NCKAP5: variants seen among roughly 807,000 people sequenced by gnomAD.
NCKAP5 encodes NCK associated protein 5, also known as nck-associated protein 5.
NCKAP5 carries 92 observed loss-of-function variants against 167.0 expected under a neutral mutation model. The observed-to-expected ratio is 0.55, with a 90% CI of 0.47 to 0.66. The LOEUF (loss-of-function observed/expected upper bound fraction) is 0.66. Among genes scored for constraint, NCKAP5 ranks in the 30% least tolerant of loss-of-function variants. NCKAP5 has a pLI of 0.00. For missense variants in NCKAP5, 2,378 were observed against 2,315.0 expected, an observed-to-expected ratio of 1.03 and a Z score of -0.56; for synonymous variants, 891 against 877.4, an observed-to-expected ratio of 1.02 and a Z score of -0.27.
chr2:132,785,192 C>A lies in NCKAP5; in HGVS notation c.1619G>T (p.Cys540Phe). 6.3e-7 allele frequency: 1 copy of A among 1,579,950 alleles called. No homozygotes were observed. Among genetic ancestry groups the A allele is most frequent in the Non-Finnish European group, 8.6e-7 (1 of 1,165,150 alleles). The change falls in exon 14 of 20, where the codon TGC (cysteine) becomes TTC (phenylalanine). Residue 540 changes from cysteine to phenylalanine, a missense_variant. By Grantham distance (205) the Cys-to-Phe change is radical (BLOSUM62 -2). Coordinates refer to ENST00000409261, the MANE Select transcript of NCKAP5 (RefSeq NM_207363.3). ...CATCTCTAAGGGACAGCTGCTGGCG[C>A]AACTTGTCAGCTTTTCAGGCCTTTC... is the stretch of plus-strand genomic sequence containing the variant. ...PKERPEKLTSCASSCPLEMKL... is the reference protein window; with the variant it reads ...PKERPEKLTSFASSCPLEMKL...
intron 3 of NCKAP5, among the ~76,000 whole-genome samples, chr2:133,398,438 T>C (rs1180501370): frequency 1.3e-5 from 2 of 152,130 alleles, no homozygotes; most frequent in African/African-American, 2.4e-5. Context: ...AACATAAAAA[T>C]AAACCTTAGA....
chr2:132,912,181 AC>A (rs1403285565), intron 8 of NCKAP5, among the ~76,000 whole-genome samples: 1 of 152,126 alleles, frequency 6.6e-6, no homozygotes, highest in Non-Finnish European at 1.5e-5. Context: ...CTCCAACAGG[AC>A]CATACAGGGA....
chr2:133,623,988 C>A, the NCKAP5 span, among the ~76,000 whole-genome samples: 1 of 152,220 alleles, frequency 6.6e-6, no homozygotes, highest in Admixed American at 6.5e-5. Flanking sequence ...ATGGCATTCA[C>A]AGCAACCTGC....
intron 3 of NCKAP5, among the ~76,000 whole-genome samples, chr2:133,466,935 T>C (rs538283748): frequency 1.3e-4 from 20 of 152,330 alleles, no homozygotes; most frequent in African/African-American, 4.8e-4. Flanking sequence ...TTTCTAGATA[T>C]ACAATCATGT....
chr2:133,501,160 C>T (rs1682472783), intron 3 of NCKAP5, among the ~76,000 whole-genome samples: 1 of 152,152 alleles, frequency 6.6e-6, no homozygotes, highest in Non-Finnish European at 1.5e-5. Context: ...AGTGACTCAG[C>T]CAATTAGTGA....
At chr2:133,454,513 CA>C (rs1332826253) in intron 3 of NCKAP5, among the ~76,000 whole-genome samples, 1 of 152,002 alleles carries the variant, frequency 6.6e-6, no homozygotes, top group Non-Finnish European at 1.5e-5. Context: ...GTATTGACAT[CA>C]TAGATCAAAC....
chr2:133,532,352 A>G (rs1685435918), intron 2 of NCKAP5, among the ~76,000 whole-genome samples: 1 of 152,218 alleles, frequency 6.6e-6, no homozygotes, highest in Non-Finnish European at 1.5e-5. Context: ...ATTCTTTCTC[A>G]TATGGGGAAA....
chr2:133,270,912 A>ATTTTTTTTT (rs1255134862), intron 4 of NCKAP5, among the ~76,000 whole-genome samples: 2 of 128,968 alleles, frequency 1.6e-5, no homozygotes, highest in African/African-American at 5.9e-5. Context: ...GTTGCTTCAA[A>ATTTTTTTTT]TTTTTTTTTT....
chr2:132,840,046 A>G (rs1022681389), intron 11 of NCKAP5, among the ~76,000 whole-genome samples: 4 of 152,182 alleles, frequency 2.6e-5, no homozygotes, highest in Admixed American at 1.3e-4. Context: ...GGAGACCTCA[A>G]ACTATGGTCC....
At chr2:133,242,893 T>C (rs371995733) in intron 4 of NCKAP5, among the ~76,000 whole-genome samples, 2 of 152,206 alleles carry the variant, frequency 1.3e-5, no homozygotes, top group Non-Finnish European at 2.9e-5. Context: ...GATCAGAGCA[T>C]GATTAGCTCA....
At chr2:133,056,733 G>A (rs2079814596) in intron 6 of NCKAP5, among the ~76,000 whole-genome samples, 1 of 152,166 alleles carries the variant, frequency 6.6e-6, no homozygotes, top group Non-Finnish European at 1.5e-5. Context: ...TACTATATGG[G>A]AGTGCACATT....
intron 4 of NCKAP5, among the ~76,000 whole-genome samples, chr2:133,277,000 G>A (rs1411667095): frequency 6.6e-6 from 1 of 152,062 alleles, no homozygotes; most frequent in African/African-American, 2.4e-5. Context: ...CACTCTTCCT[G>A]ATGAAAATAG....
At chr2:133,560,985 G>A (rs1202857234) in intron 1 of NCKAP5, among the ~76,000 whole-genome samples, 2 of 152,136 alleles carry the variant, frequency 1.3e-5, no homozygotes, top group African/African-American at 2.4e-5. Context: ...TTATGACTAG[G>A]CCTCCACAGC....
intron 19 of NCKAP5, among the ~76,000 whole-genome samples, chr2:132,682,951 C>A (rs941178562): frequency 4.0e-5 from 6 of 150,124 alleles, no homozygotes. Context: ...GTGATGCGAT[C>A]TCGGCTCACT....
At chr2:132,870,660 T>C (rs1233908417) in intron 9 of NCKAP5, among the ~76,000 whole-genome samples, 2 of 151,398 alleles carry the variant, frequency 1.3e-5, no homozygotes, top group Non-Finnish European at 2.9e-5. Flanking sequence ...TTTTGTGTTA[T>C]TTTTCTCTTG....
At chr2:132,996,510 G>A (rs1379474697) in intron 6 of NCKAP5, among the ~76,000 whole-genome samples, 1 of 151,966 alleles carries the variant, frequency 6.6e-6, no homozygotes, top group African/African-American at 2.4e-5. Context: ...TTTACCTTAA[G>A]TTTCACTTCC....
chr2:133,228,684 G>A (rs1228298276), intron 4 of NCKAP5, among the ~76,000 whole-genome samples: 1 of 152,114 alleles, frequency 6.6e-6, no homozygotes, highest in Admixed American at 6.6e-5. Context: ...AGTCTTAGGA[G>A]GCACACAAAC....
At chr2:133,047,399 C>T (rs1550245) in intron 6 of NCKAP5, among the ~76,000 whole-genome samples, 5,452 of 152,260 alleles carry the variant, frequency 0.036, 302 homozygotes, top group African/African-American at 0.12. Context: ...GGCAATCATC[C>T]TTAAAAGTCT....
intron 2 of NCKAP5, among the ~76,000 whole-genome samples, chr2:133,548,176 G>GA (rs1193637554): frequency 1.3e-5 from 2 of 151,694 alleles, no homozygotes; most frequent in Admixed American, 6.6e-5. Context: ...GAAGGTTAGA[G>GA]AAAAAAGAAT....
Sources: allele counts gnomAD v4.1 joint callset (sites outside exome capture counted in the v4.1 genomes callset), GRCh38; gene constraint gnomAD v4.1.1; transcripts MANE v1.5; gene names NCBI Gene and HGNC (gene_info 2026-07-23, HGNC 2026-07-21).